Variants in MED21 observed in about 807,000 individuals in gnomAD.
MED21 encodes mediator of RNA polymerase II transcription subunit 21.
In MED21, 9 loss-of-function variants were observed where a neutral mutation model predicts 18.2. That is an observed-to-expected ratio of 0.49 (90% CI 0.30 to 0.86). The LOEUF (loss-of-function observed/expected upper bound fraction) is 0.86, where lower values mean the gene tolerates loss of function less well. Among genes scored for constraint, MED21 ranks in the 40% least tolerant of loss-of-function variants. The probability of loss-of-function intolerance (pLI) is 0.07; values close to 1 mark genes in which losing one functional copy is unlikely to be tolerated. For missense variants in MED21, 150 were observed against 170.9 expected, an observed-to-expected ratio of 0.88 and a Z score of 0.68; for synonymous variants, 73 against 60.5, an observed-to-expected ratio of 1.21 and a Z score of -0.96.
At chr12:27,022,814 G>A (rs779295737) in intron 1 of MED21, 193 bp downstream of exon 1, 57 of 1,507,390 alleles carry the variant, frequency 3.8e-5, no homozygotes, top group Non-Finnish European at 5.0e-5. Context: ...GTGCTTGAAG[G>A]TGCGGGAGGG....
chr12:27,027,292 G>A (rs773182839), intron 2 of MED21, 55 bp from the exon 3 acceptor site: 8 of 1,273,794 alleles, frequency 6.3e-6, no homozygotes, highest in Non-Finnish European at 8.9e-6. Flanking sequence ...CTTAAAATTT[G>A]TTTCTGAAAA....
At chr12:27,028,066 A>G (rs1941567965) in intron 3 of MED21, among the ~76,000 whole-genome samples, 1 of 152,202 alleles carries the variant, frequency 6.6e-6, no homozygotes, top group African/African-American at 2.4e-5. Context: ...GTAATGTGTA[A>G]GGGAGTCACT....
downstream of MED21, among the ~76,000 whole-genome samples, chr12:27,032,910 C>T (rs1460767390): frequency 6.6e-6 from 1 of 152,186 alleles, no homozygotes; most frequent in Non-Finnish European, 1.5e-5. Flanking sequence ...CTCCTTTTCC[C>T]CTCCTGAAAA....
downstream of MED21, among the ~76,000 whole-genome samples, chr12:27,033,627 G>A (rs930580545): frequency 1.3e-5 from 2 of 152,068 alleles, no homozygotes; most frequent in African/African-American, 4.8e-5. Context: ...TAAGGTTGGG[G>A]CAAAAAGAGC....
At position 27,029,087 on chromosome 12, in the gene MED21, T is replaced by C; in HGVS notation, c.*626T>C. ...TCTGTCAAGAGAATTTCCTGGCTGT[T>C]GTGAAAGAATTTTTCTACATCCTGA... On this transcript the variant is annotated 3_prime_UTR_variant, in exon 4 of 4. Coordinates refer to ENST00000282892, the MANE Select transcript of MED21 (RefSeq NM_004264.5). The C allele has an allele frequency of 1.0e-6, 1 of 985,448 alleles. No homozygotes were observed. The highest frequency in any genetic ancestry group is 4.7e-5 in the South Asian group (1 of 21,284). 61.0% of individuals were successfully genotyped at this position (985,448 alleles called of 1,614,324 possible).
At chr12:27,034,667 C>T, downstream of MED21, among the ~76,000 whole-genome samples, 1 of 152,134 alleles carries the variant, frequency 6.6e-6, no homozygotes, top group East Asian at 1.9e-4. Context: ...TCTCAAACTC[C>T]TGGGCTCAAC....
rs925661037 is a variant in MED21, at chr12:27,029,559, A to G, written c.*1098A>G. The stretch of plus-strand genomic sequence containing the variant: ...TAAGTTTCAGGAGAAAACAGGAACA[A>G]TAGAACACTCTGCCTGTTATTTTTG... On this transcript the variant is annotated 3_prime_UTR_variant, in exon 4 of 4. Coordinates refer to ENST00000282892, the MANE Select transcript of MED21 (RefSeq NM_004264.5). 2 of 985,328 alleles carry G rather than the reference A, an allele frequency of 2.0e-6. No individual in the cohort carries two copies. The highest frequency in any genetic ancestry group is 4.7e-5 in the South Asian group (1 of 21,292). The allele number at this position is 985,328 out of a possible 1,614,324, so 61.0% of individuals were successfully genotyped here. A position where few individuals can be genotyped will look rare whatever the true frequency, so the allele number is the denominator to read the frequency against.
chr12:27,028,081 G>A (rs989062545), intron 3 of MED21, among the ~76,000 whole-genome samples: 25 of 152,166 alleles, frequency 1.6e-4, no homozygotes, highest in Non-Finnish European at 4.4e-5. Context: ...GTCACTTAAA[G>A]ATATCTAGAG....
downstream of MED21, among the ~76,000 whole-genome samples, chr12:27,031,772 A>G (rs949186213): frequency 6.6e-6 from 1 of 152,172 alleles, no homozygotes; most frequent in Non-Finnish European, 1.5e-5. Flanking sequence ...TACACAAAAT[A>G]TGGGAGGAGT....
Position 27,028,633 on chromosome 12 carries a change from A to C in MED21, c.*172A>C. On this transcript the variant is annotated 3_prime_UTR_variant, in exon 4 of 4. Coordinates refer to ENST00000282892, the MANE Select transcript of MED21 (RefSeq NM_004264.5). ...CTATTTTCACTCTTGATAAGCTTAT[A>C]AAATCATGATTGAATCAGCTTTAAA... The C allele has an allele frequency of 7.8e-7, 1 of 1,283,746 alleles. No homozygotes were observed. Among genetic ancestry groups the C allele is most frequent in the South Asian group, 3.0e-5 (1 of 33,066 alleles). 79.5% of individuals were successfully genotyped at this position (1,283,746 alleles called of 1,614,324 possible).
chr12:27,038,629 A>G (rs1941663185), intron 2 of MED21: 2 of 152,238 alleles, frequency 1.3e-5, no homozygotes, highest in South Asian at 4.1e-4. Context: ...GGATAGACAA[A>G]TACTGTACAC....
In MED21 at chr12:27,022,977, GGGA is replaced by G. The variant is rs1210579339; in HGVS notation, c.42+361_42+363del. ...ACGGGTTCTCTTTCTTTTGGGGGTT[GGGA>G]GGAGAAGCAGGAGCTTTTTTCTTTC... On this transcript the variant is annotated intron_variant, in intron 1 of 3. Transcript: ENST00000282892. 2.2e-5 allele frequency: 23 copies of G among 1,039,200 alleles called. No individual in the cohort carries two copies. The African/African-American group carries it at 3.3e-4, about 15-fold the overall frequency. The allele number at this position is 1,039,200 out of a possible 1,614,324, so 64.4% of individuals were successfully genotyped here. A position where few individuals can be genotyped will look rare whatever the true frequency, so the allele number is the denominator to read the frequency against.
chr12:27,023,675 T>C (rs1941506871), intron 1 of MED21, among the ~76,000 whole-genome samples: 1 of 152,170 alleles, frequency 6.6e-6, no homozygotes, highest in African/African-American at 2.4e-5. Context: ...CCCAGCTTTG[T>C]TCCTTCTGGT....
intron 1 of MED21, among the ~76,000 whole-genome samples, chr12:27,023,420 C>G (rs1432299352): frequency 1.5e-5 from 1 of 68,090 alleles, no homozygotes; most frequent in Non-Finnish European, 5.2e-5. Flanking sequence ...CTGTCTGAGC[C>G]AAAGTAGCTG....
rs143189219 is a variant in MED21, at chr12:27,022,729, A to T, written c.42+108A>T. The T allele has an allele frequency of 9.1e-4, 1,452 of 1,593,526 alleles. 17 individuals carry two copies. In the African/African-American group the frequency reaches 0.017, roughly 19 times the overall value. On this transcript the variant is annotated intron_variant, in intron 1 of 3. Transcript: ENST00000282892. ...TTGAAAGTGGGGAGCGGACTGAGAG[A>T]CAGGGCTTCGGCATAAAGCGCTCTC...
At chr12:27,025,390 A>G (rs1941530248) in intron 1 of MED21, among the ~76,000 whole-genome samples, 2 of 152,216 alleles carry the variant, frequency 1.3e-5, no homozygotes, top group Admixed American at 6.5e-5. Flanking sequence ...GAAAGCTTCA[A>G]AACAGCCTGA....
chr12:27,022,594 C>T lies in MED21; in HGVS notation c.15C>T (p.Leu5=), dbSNP rs995096202. The change falls in exon 1 of 4, where the codon CTC becomes CTT. Residue 5 remains leucine (L), a synonymous_variant. Transcript: ENST00000282892. MADR[L]TQLQDAVNSL... Reference sequence around the variant, plus strand: ...GCGGTAGGAACATGGCGGATCGGCTCACGCAGCTTCAGGACGCTGTGAATT... The same window carrying T: ...GCGGTAGGAACATGGCGGATCGGCTTACGCAGCTTCAGGACGCTGTGAATT... 12 of 1,577,502 alleles carry T rather than the reference C, an allele frequency of 7.6e-6. No homozygotes were observed. The highest frequency in any genetic ancestry group is 3.4e-5 in the South Asian group (3 of 89,030).
intron 1 of MED21, among the ~76,000 whole-genome samples, chr12:27,023,295 C>CTTTTCT (rs1485496958): frequency 8.1e-5 from 5 of 61,360 alleles, no homozygotes; most frequent in Admixed American, 1.8e-4. Context: ...AGTCTTTTTT[C>CTTTTCT]TTTTCTTTTT....
Position 27,030,241 on chromosome 12 carries a change from C to A in MED21, c.*1780C>A. On this transcript the variant is annotated 3_prime_UTR_variant, in exon 4 of 4. Transcript: ENST00000282892. ...TCACCCTGGGTTCAGGTGATCCTCC[C>A]ACTTCAGCCTCTTCAGTAACTGGGA... 1 of 628,854 alleles carries A rather than the reference C, an allele frequency of 1.6e-6. No homozygotes were observed. The highest frequency in any genetic ancestry group is 1.8e-5 in the South Asian group (1 of 57,020). 39.0% of individuals were successfully genotyped at this position (628,854 alleles called of 1,614,324 possible).
Sources: allele counts gnomAD v4.1 joint callset (sites outside exome capture counted in the v4.1 genomes callset), GRCh38; gene constraint gnomAD v4.1.1; transcripts MANE v1.5; gene names NCBI Gene and HGNC (gene_info 2026-07-23, HGNC 2026-07-21).